Variants in LAMA2 observed in about 807,000 individuals in gnomAD.
LAMA2 encodes the protein laminin subunit alpha-2.
In LAMA2, 269 loss-of-function variants were observed where a neutral mutation model predicts 364.8. The ratio of observed to expected loss-of-function variants is 0.74; its 90% CI spans 0.67 to 0.82. LAMA2 has a LOEUF of 0.82. LAMA2 is among the 40% of genes least tolerant of loss of function. The pLI, the probability that LAMA2 is intolerant of heterozygous loss-of-function variation, is 0.00. For missense variants in LAMA2, 3,807 were observed against 3,873.2 expected (o/e 0.98, Z 0.45); for synonymous variants, 1,379 against 1,370.6 (o/e 1.01, Z -0.14).
intron 1 of LAMA2, among the ~76,000 whole-genome samples, chr6:128,941,572 C>T (rs1212204241): frequency 6.6e-6 from 1 of 152,010 alleles, no homozygotes; most frequent in East Asian, 1.9e-4. Context: ...TTCTTTGCTT[C>T]TCTTACATTC....
At chr6:129,088,979 T>G (rs1364905358) in intron 3 of LAMA2, among the ~76,000 whole-genome samples, 1 of 138,886 alleles carries the variant, frequency 7.2e-6, no homozygotes, top group Non-Finnish European at 1.6e-5. Context: ...GAGGTGGAGG[T>G]TGTAGCTAGC....
intron 58 of LAMA2, among the ~76,000 whole-genome samples, chr6:129,499,812 G>A (rs1030717025): frequency 1.1e-4 from 17 of 152,140 alleles, no homozygotes; most frequent in African/African-American, 3.6e-4. Flanking sequence ...TGAACTCCTA[G>A]GCTCAAGTGA....
intron 1 of LAMA2, among the ~76,000 whole-genome samples, chr6:128,949,192 G>C (rs977596879): frequency 6.6e-6 from 1 of 152,288 alleles, no homozygotes; most frequent in East Asian, 1.9e-4. Flanking sequence ...TCAAGGACAC[G>C]CTCATCCTCA....
intron 12 of LAMA2, among the ~76,000 whole-genome samples, chr6:129,202,202 A>AG (rs1473130087): frequency 1.3e-5 from 2 of 151,258 alleles, no homozygotes; most frequent in Non-Finnish European, 3.0e-5. Context: ...AAAAAAAAAA[A>AG]AAAAAAAGAA....
intron 4 of LAMA2, among the ~76,000 whole-genome samples, chr6:129,124,916 G>T (rs1283191229): frequency 2.0e-5 from 3 of 152,166 alleles, no homozygotes; most frequent in Non-Finnish European, 4.4e-5. Context: ...TCAGAACACA[G>T]GAGGGAAGGG....
At chr6:129,048,697 C>A (rs1442461524) in intron 1 of LAMA2, among the ~76,000 whole-genome samples, 1 of 151,368 alleles carries the variant, frequency 6.6e-6, no homozygotes, top group Non-Finnish European at 1.5e-5. Context: ...TCACTGCAAC[C>A]TCCACCTCCC....
At chr6:128,969,242 T>C (rs1230373948) in intron 1 of LAMA2, among the ~76,000 whole-genome samples, 1 of 152,162 alleles carries the variant, frequency 6.6e-6, no homozygotes, top group African/African-American at 2.4e-5. Context: ...AGGTTGACAA[T>C]AACATGTTGT....
intron 4 of LAMA2, among the ~76,000 whole-genome samples, chr6:129,118,072 C>G (rs1489598530): frequency 1.3e-5 from 2 of 152,164 alleles, no homozygotes; most frequent in Non-Finnish European, 2.9e-5. Context: ...CATGAAAGAA[C>G]ATCAGTGTGA....
rs556603028 is a variant in LAMA2, at chr6:129,463,397, TAC to T, written c.6993-892_6993-891del. On this transcript the variant is annotated intron_variant, in intron 49 of 64. Coordinates refer to ENST00000421865, the MANE Select transcript of LAMA2 (RefSeq NM_000426.4). ...ATAGTCACCAATTCAAAGCCAGACT[TAC>T]CTTGTTTCTCCTAGTGTTTTCTAAT... Among the ~76,000 whole-genome samples, 3 of 152,076 alleles carry T rather than the reference TAC, an allele frequency of 2.0e-5. No individual in the cohort carries two copies. The East Asian group carries it at 5.8e-4, about 30-fold the overall frequency.
intron 4 of LAMA2, among the ~76,000 whole-genome samples, chr6:129,108,344 T>C (rs1775953165): frequency 6.6e-6 from 1 of 152,206 alleles, no homozygotes; most frequent in Admixed American, 6.6e-5. Context: ...TTGTTTGCTT[T>C]AATAATTTTT....
chr6:129,071,163 T>C (rs533344970), intron 3 of LAMA2, among the ~76,000 whole-genome samples: 1 of 152,354 alleles, frequency 6.6e-6, no homozygotes, highest in Admixed American at 6.5e-5. Context: ...AGTTGGGCTT[T>C]TCAAGAAATT....
chr6:128,983,183 G>C (rs544547260), intron 1 of LAMA2, among the ~76,000 whole-genome samples: 1 of 152,010 alleles, frequency 6.6e-6, no homozygotes, highest in Non-Finnish European at 1.5e-5. Context: ...CTGAGGAATC[G>C]CCACACTGAC....
At chr6:128,912,739 C>T (rs941023321) in intron 1 of LAMA2, among the ~76,000 whole-genome samples, 1 of 152,150 alleles carries the variant, frequency 6.6e-6, no homozygotes, top group Non-Finnish European at 1.5e-5. Context: ...TAGATTCATA[C>T]AGTCAGGCTG....
At chr6:128,898,877 C>T (rs1776920949) in intron 1 of LAMA2, among the ~76,000 whole-genome samples, 1 of 152,082 alleles carries the variant, frequency 6.6e-6, no homozygotes, top group African/African-American at 2.4e-5. Context: ...CGTCTCAAGG[C>T]CTTTGTCCTT....
At chr6:129,457,186 G>T (rs980935295) in intron 48 of LAMA2, among the ~76,000 whole-genome samples, 1 of 152,066 alleles carries the variant, frequency 6.6e-6, no homozygotes, top group Admixed American at 6.6e-5. Context: ...AAAAGCCAGG[G>T]TGACCCCAAA....
chr6:129,387,598 A>G (rs530133951), intron 35 of LAMA2, among the ~76,000 whole-genome samples: 79 of 152,354 alleles, frequency 5.2e-4, no homozygotes, highest in African/African-American at 1.8e-3. Flanking sequence ...CTAAAGACAC[A>G]TATACAGTAT....
Position 129,491,988 on chromosome 6 carries a change from TG to T in LAMA2, c.7991del (p.Gly2664ValfsTer64), listed in dbSNP as rs886039541. On this transcript the variant is annotated frameshift_variant, in exon 57 of 65. Coordinates refer to ENST00000421865, the MANE Select transcript of LAMA2 (RefSeq NM_000426.4). LOFTEE classifies it high-confidence loss of function. ...CTATCGAAGTTAAAAAGCTTTTCGT[TG>T]GGGGTGCTCCACCTGAATTTCAACC... is the stretch of plus-strand genomic sequence containing the variant. ...QPIEVKKLFVGGAPPEFQPSP... is the reference protein window; with the variant it reads ...QPIEVKKLFVXGAPPEFQPSP... 9.3e-6 allele frequency: 15 copies of T among 1,613,926 alleles called. No homozygotes were observed. Among genetic ancestry groups the T allele is most frequent in the Non-Finnish European group, 1.3e-5 (15 of 1,179,922 alleles).
In LAMA2 at chr6:129,385,471, T is replaced by G. The variant is rs190415518; in HGVS notation, c.5071+2238T>G. Among the ~76,000 whole-genome samples the G allele has an allele frequency of 2.9e-3, 439 of 152,192 alleles. 3 individuals are homozygous for G. The highest frequency in any genetic ancestry group is 4.5e-3 in the Non-Finnish European group (306 of 67,988). ...GATAACCATCAGTACTTTTACATTT[T>G]TGTTTGTCAGTTGTAATAAATTGCT... On this transcript the variant is annotated intron_variant, in intron 35 of 64. Coordinates refer to ENST00000421865, the MANE Select transcript of LAMA2 (RefSeq NM_000426.4).
At position 129,454,272 on chromosome 6, in the gene LAMA2, C is replaced by T. The variant is rs374815503; in HGVS notation, c.6691C>T (p.Arg2231Cys). The change falls in exon 47 of 65, where the codon CGT becomes TGT. Residue 2231 changes from arginine to cysteine, a missense_variant. Arg to Cys is a radical substitution (Grantham distance 180). Coordinates refer to ENST00000421865, the MANE Select transcript of LAMA2 (RefSeq NM_000426.4). The part of the protein sequence containing the change: ...DLTIDDSYWY[R>C]IVASRTGRNG... The stretch of plus-strand genomic sequence containing the variant: ...GACTATTGATGACTCATATTGGTAC[C>T]GTATCGTAGCATCAAGGTAACCAAC... The T allele has an allele frequency of 2.0e-5, 32 of 1,610,716 alleles. 1 individual carries two copies. Among genetic ancestry groups the T allele is most frequent in the South Asian group, 5.5e-5 (5 of 90,964 alleles).
Sources: allele counts gnomAD v4.1 joint callset (sites outside exome capture counted in the v4.1 genomes callset), GRCh38; gene constraint gnomAD v4.1.1; transcripts MANE v1.5; gene names NCBI Gene and HGNC (gene_info 2026-07-23, HGNC 2026-07-21).